LINGO2: variants seen among roughly 807,000 people sequenced by gnomAD.
The protein encoded by LINGO2 is leucine-rich repeat and immunoglobulin-like domain-containing nogo receptor-interacting protein 2.
Under a neutral mutation model 30.6 loss-of-function variants are expected in LINGO2, and 14 were observed. The observed-to-expected ratio is 0.46, with a 90% CI of 0.30 to 0.72. LINGO2 has a LOEUF of 0.72. LINGO2 is among the 30% of genes least tolerant of loss of function. The probability of loss-of-function intolerance (pLI) is 0.07; values close to 1 mark genes in which losing one functional copy is unlikely to be tolerated. For missense variants in LINGO2, 729 were observed against 751.7 expected, an observed-to-expected ratio of 0.97 and a Z score of 0.35; for synonymous variants, 317 against 288.5, an observed-to-expected ratio of 1.10 and a Z score of -1.00.
chr9:28,562,758 A>G (rs10968654), intron 1 of LINGO2, among the ~76,000 whole-genome samples: 18,288 of 152,090 alleles, frequency 0.12, 1,261 homozygotes, highest in East Asian at 0.26. Context: ...GATAGACACA[A>G]ATAGCTTTTA....
chr9:28,097,873 T>TAAA (rs33943553), intron 4 of LINGO2, among the ~76,000 whole-genome samples: 1 of 151,956 alleles, frequency 6.6e-6, no homozygotes, highest in Admixed American at 6.6e-5. Context: ...CACAACCTCT[T>TAAA]AAAAAAAATT....
At chr9:28,904,079 T>C in the LINGO2 span, among the ~76,000 whole-genome samples, 27 of 152,176 alleles carry the variant, frequency 1.8e-4, no homozygotes, top group African/African-American at 6.5e-4. Context: ...AAATGTGATA[T>C]TCTACATTAA....
chr9:28,848,284 T>A, the LINGO2 span, among the ~76,000 whole-genome samples: 1 of 80,710 alleles, frequency 1.2e-5, no homozygotes, highest in Non-Finnish European at 2.1e-5. Context: ...ATATATACAC[T>A]ATGCATATAT....
At chr9:28,286,482 T>A (rs919563792) in intron 4 of LINGO2, among the ~76,000 whole-genome samples, 1 of 152,170 alleles carries the variant, frequency 6.6e-6, no homozygotes, top group African/African-American at 2.4e-5. Flanking sequence ...GGAATATAAA[T>A]CATTCTATTA....
At chr9:29,101,061 T>C in the LINGO2 span, among the ~76,000 whole-genome samples, 1 of 152,218 alleles carries the variant, frequency 6.6e-6, no homozygotes. Context: ...TTCTTCCTAA[T>C]AGAGTATGCT....
chr9:28,238,945 T>G (rs1239797428), intron 4 of LINGO2, among the ~76,000 whole-genome samples: 3 of 151,456 alleles, frequency 2.0e-5, no homozygotes, highest in Non-Finnish European at 4.4e-5. Context: ...AAACCAGATA[T>G]GAAAAAAGGA....
intron 1 of LINGO2, among the ~76,000 whole-genome samples, chr9:28,501,032 A>G (rs1320068725): frequency 6.6e-6 from 1 of 152,178 alleles, no homozygotes; most frequent in Non-Finnish European, 1.5e-5. Flanking sequence ...CTTTTATAAC[A>G]TTCTATCTAC....
In LINGO2 at chr9:28,157,161, G is replaced by A. The variant is rs1025940868; in HGVS notation, c.-87+138047C>T. Among the ~76,000 whole-genome samples, 32 of 152,280 alleles carry A rather than the reference G, an allele frequency of 2.1e-4. 1 individual carries two copies. The highest frequency in any genetic ancestry group is 5.3e-4 in the African/African-American group (22 of 41,570). ...TAGCAGAGGTTCTCCATGAGGGCCC[G>A]CTCCTGCAGCAAACTTCTGCCTGGA... On this transcript the variant is annotated intron_variant, in intron 4 of 5. Transcript: ENST00000379992.
chr9:29,202,502 C>A, the LINGO2 span, among the ~76,000 whole-genome samples: 2 of 151,956 alleles, frequency 1.3e-5, no homozygotes, highest in Admixed American at 1.3e-4. Context: ...ATAAAGTGAT[C>A]TTATACTTGA....
intron 1 of LINGO2, among the ~76,000 whole-genome samples, chr9:28,625,673 G>A (rs1349128761): frequency 6.6e-6 from 1 of 151,772 alleles, no homozygotes; most frequent in African/African-American, 2.4e-5. Context: ...CCTTTTTATT[G>A]TTAAGTAGTA....
the LINGO2 span, among the ~76,000 whole-genome samples, chr9:29,046,427 G>C: frequency 6.6e-6 from 1 of 152,062 alleles, no homozygotes; most frequent in East Asian, 1.9e-4. Context: ...ACAGAATTGA[G>C]AGCCCAGAAA....
At chr9:29,115,398 C>A in the LINGO2 span, among the ~76,000 whole-genome samples, 1 of 151,834 alleles carries the variant, frequency 6.6e-6, no homozygotes, top group Admixed American at 6.6e-5. Flanking sequence ...AATAATATTT[C>A]TATTTTAAAT....
intron 4 of LINGO2, among the ~76,000 whole-genome samples, chr9:28,201,970 G>A (rs781140906): frequency 1.3e-5 from 2 of 152,072 alleles, no homozygotes; most frequent in Non-Finnish European, 2.9e-5. Context: ...TTCCTTCTGG[G>A]GGCTGTGTTC....
At chr9:28,517,142 C>T (rs112808602) in intron 1 of LINGO2, among the ~76,000 whole-genome samples, 2,632 of 152,280 alleles carry the variant, frequency 0.017, 71 homozygotes, top group African/African-American at 0.059. Context: ...TTCATTCATT[C>T]GTCTTCACTT....
chr9:28,301,722 G>C (rs1213987889), intron 3 of LINGO2, among the ~76,000 whole-genome samples: 2 of 152,112 alleles, frequency 1.3e-5, no homozygotes, highest in Admixed American at 1.3e-4. Context: ...TGCATAAAGT[G>C]AGAAATGGCC....
chr9:28,507,071 G>C (rs1242037882), intron 1 of LINGO2, among the ~76,000 whole-genome samples: 1 of 152,038 alleles, frequency 6.6e-6, no homozygotes, highest in African/African-American at 2.4e-5. Context: ...TGAGCATCAA[G>C]GTCTAGGAAG....
chr9:28,595,994 A>G (rs150845747), intron 1 of LINGO2, among the ~76,000 whole-genome samples: 45 of 152,286 alleles, frequency 3.0e-4, no homozygotes, highest in African/African-American at 1.0e-3. Context: ...ATTTTGCACA[A>G]ATGCACACTG....
At chr9:28,718,287 A>T in the LINGO2 span, among the ~76,000 whole-genome samples, 6 of 152,058 alleles carry the variant, frequency 3.9e-5, no homozygotes, top group Admixed American at 6.6e-5. Flanking sequence ...GAGTTCAGAT[A>T]CTTGATGGGC....
the LINGO2 span, among the ~76,000 whole-genome samples, chr9:28,802,422 G>A: frequency 6.6e-6 from 1 of 152,002 alleles, no homozygotes; most frequent in Admixed American, 6.6e-5. Flanking sequence ...AAAAGAAATA[G>A]CTTAATTAGA....
Sources: allele counts gnomAD v4.1 joint callset (sites outside exome capture counted in the v4.1 genomes callset), GRCh38; gene constraint gnomAD v4.1.1; transcripts MANE v1.5; gene names NCBI Gene and HGNC (gene_info 2026-07-23, HGNC 2026-07-21).